The following PTPRZ1 variants were observed in gnomAD, a reference collection of about 807,000 sequenced individuals.
PTPRZ1 encodes receptor-type tyrosine-protein phosphatase zeta.
PTPRZ1 carries 82 observed loss-of-function variants against 214.1 expected under a neutral mutation model. The observed-to-expected ratio is 0.38, with a 90% CI of 0.32 to 0.46. The LOEUF (loss-of-function observed/expected upper bound fraction) is 0.46, where lower values mean the gene tolerates loss of function less well. PTPRZ1 is among the 20% of genes least tolerant of loss of function. The pLI is 1.00. For missense variants in PTPRZ1, 2,603 were observed against 2,748.7 expected (o/e 0.95, Z 1.19); for synonymous variants, 945 against 987.9 (o/e 0.96, Z 0.81).
chr7:121,938,938 T>G (rs1447711119), intron 2 of PTPRZ1, among the ~76,000 whole-genome samples: 6 of 152,200 alleles, frequency 3.9e-5, no homozygotes. Context: ...AATATCTTTC[T>G]AAGTAAATGT....
At chr7:122,016,161 G>A (rs1352881980) in intron 12 of PTPRZ1, among the ~76,000 whole-genome samples, 1 of 151,850 alleles carries the variant, frequency 6.6e-6, no homozygotes, top group Non-Finnish European at 1.5e-5. Flanking sequence ...GGTCACATGA[G>A]TAAATACAAA....
chr7:121,884,208 G>C (rs1272217261), intron 1 of PTPRZ1, among the ~76,000 whole-genome samples: 2 of 151,998 alleles, frequency 1.3e-5, no homozygotes, highest in East Asian at 1.9e-4. Context: ...AGTTTCCTTT[G>C]ATGGCTTTCA....
intron 2 of PTPRZ1, among the ~76,000 whole-genome samples, chr7:121,952,051 C>T (rs1796560504): frequency 6.6e-6 from 1 of 151,828 alleles, no homozygotes; most frequent in African/African-American, 2.4e-5. Context: ...CTCCGCCTCC[C>T]GGGTTCACGC....
chr7:121,873,196 G>C lies in PTPRZ1; in HGVS notation c.-304G>C, dbSNP rs527605953. The C allele has an allele frequency of 2.4e-6, 1 of 421,560 alleles. No individual in the cohort carries two copies. The highest frequency in any genetic ancestry group is 2.0e-5 in the African/African-American group (1 of 48,878). 26.1% of individuals were successfully genotyped at this position (421,560 alleles called of 1,614,324 possible). On this transcript the variant is annotated 5_prime_UTR_variant, in exon 1 of 30. Coordinates refer to ENST00000393386, the MANE Select transcript of PTPRZ1 (RefSeq NM_002851.3). The stretch of plus-strand genomic sequence containing the variant: ...CGCCGCAGCCGGCGAAAGAGGCAAA[G>C]TCCCGCACGCCGGAGGACATGCGCC...
At position 121,999,157 on chromosome 7, in the gene PTPRZ1, C is replaced by T. The variant is rs1014654661; in HGVS notation, c.1240+1151C>T. Among the ~76,000 whole-genome samples, 33 of 152,240 alleles carry T rather than the reference C, an allele frequency of 2.2e-4. No homozygotes were observed. In the East Asian group the frequency reaches 4.0e-3, roughly 19 times the overall value. ...AAGGTATCTCCCAACTTGATATTAA[C>T]GACTAATGAATATTACTACTACCAT... On this transcript the variant is annotated intron_variant, in intron 10 of 29. Transcript: ENST00000393386.
At chr7:121,976,151 A>G (rs376716258) in intron 4 of PTPRZ1, 22 bp from the exon 5 acceptor site, 200 of 1,519,402 alleles carry the variant, frequency 1.3e-4, no homozygotes, top group Non-Finnish European at 1.7e-4. Flanking sequence ...GTATCATAAA[A>G]CTATCATTGT....
intron 2 of PTPRZ1, among the ~76,000 whole-genome samples, chr7:121,944,148 A>T (rs1205457794): frequency 6.6e-6 from 1 of 152,156 alleles, no homozygotes; most frequent in Non-Finnish European, 1.5e-5. Flanking sequence ...CTACATAGGG[A>T]AATTCCTGGC....
intron 2 of PTPRZ1, among the ~76,000 whole-genome samples, chr7:121,930,999 A>G (rs868374136): frequency 6.6e-6 from 1 of 152,140 alleles, no homozygotes; most frequent in South Asian, 2.1e-4. Context: ...TCTGGGCAAT[A>G]TTTAATGCAG....
intron 4 of PTPRZ1, among the ~76,000 whole-genome samples, chr7:121,975,352 C>T (rs1797398713): frequency 6.6e-6 from 1 of 152,158 alleles, no homozygotes; most frequent in African/African-American, 2.4e-5. Flanking sequence ...TAGGCCTTTG[C>T]CAGGTGGTAC....
At chr7:121,942,485 A>G (rs893849697) in intron 2 of PTPRZ1, among the ~76,000 whole-genome samples, 5 of 152,236 alleles carry the variant, frequency 3.3e-5, no homozygotes, top group Admixed American at 1.3e-4. Context: ...AGAAAATTCT[A>G]TAACTTTTAA....
In PTPRZ1 at chr7:122,012,303, A is replaced by C. The variant is rs778135245; in HGVS notation, c.3257A>C (p.Gln1086Pro). 1.9e-6 allele frequency: 3 copies of C among 1,614,168 alleles called. No homozygotes were observed. Among genetic ancestry groups the C allele is most frequent in the East Asian group, 4.5e-5 (2 of 44,876 alleles). ...DNVNKLNASL[Q>P]ETSVSISSTK... ...GTAAATAAGTTGAATGCGTCTTTAC[A>C]AGAAACCTCTGTTTCCATTTCTAGC... Residue 1086 changes from glutamine to proline, a missense_variant, in exon 12 of 30, where the codon CAA becomes CCA. Coordinates refer to ENST00000393386, the MANE Select transcript of PTPRZ1 (RefSeq NM_002851.3).
intron 3 of PTPRZ1, 137 bp from the exon 4 acceptor site, chr7:121,972,404 C>A: frequency 1.1e-6 from 1 of 903,558 alleles, no homozygotes; most frequent in Non-Finnish European, 1.6e-6. Context: ...GTTTGGCTTC[C>A]AAAATGGCGA....
At chr7:121,938,529 C>T (rs1193680022) in intron 2 of PTPRZ1, among the ~76,000 whole-genome samples, 1 of 152,224 alleles carries the variant, frequency 6.6e-6, no homozygotes, top group East Asian at 1.9e-4. Context: ...AGTTAAGCTC[C>T]TGCCTTCCCA....
At chr7:121,953,413 G>A (rs1796615985) in intron 2 of PTPRZ1, among the ~76,000 whole-genome samples, 1 of 152,106 alleles carries the variant, frequency 6.6e-6, no homozygotes, top group African/African-American at 2.4e-5. Flanking sequence ...AGGCAAACAG[G>A]TCTTTATGAA....
chr7:122,044,465 T>G lies in PTPRZ1; in HGVS notation c.5981T>G (p.Leu1994Arg), dbSNP rs557450602. ...CATGATACACTGGTTGAGGCCATACTTAGTAAAGAAACTGAGGTGCTGGAC... is the reference window on the plus strand; with the variant it reads ...CATGATACACTGGTTGAGGCCATACGTAGTAAAGAAACTGAGGTGCTGGAC... Reference protein sequence around the residue: ...FIHDTLVEAILSKETEVLDSH... With the variant: ...FIHDTLVEAIRSKETEVLDSH... Residue 1994 changes from leucine to arginine, a missense_variant, in exon 23 of 30, where the codon CTT becomes CGT. Leu to Arg is a moderately radical substitution (Grantham distance 102). This residue lies in a region of PTPRZ1 where 1,913 missense variants were observed against 1,914.3 expected (regional missense o/e 1.00). Transcript: ENST00000393386. 6.2e-7 allele frequency: 1 copy of G among 1,613,934 alleles called. No homozygotes were observed. The highest frequency in any genetic ancestry group is 1.3e-5 in the African/African-American group (1 of 75,032).
chr7:122,022,574 T>C (rs1256776293), intron 13 of PTPRZ1, among the ~76,000 whole-genome samples: 1 of 152,250 alleles, frequency 6.6e-6, no homozygotes, highest in Non-Finnish European at 1.5e-5. Context: ...TTATCAGATA[T>C]CTGATTTGCA....
At chr7:121,888,443 T>C (rs1794471879) in intron 1 of PTPRZ1, among the ~76,000 whole-genome samples, 1 of 152,102 alleles carries the variant, frequency 6.6e-6, no homozygotes. Flanking sequence ...GAAATACTTA[T>C]GAGACTAATA....
At chr7:122,001,256 TG>T (rs1798314074) in intron 10 of PTPRZ1, among the ~76,000 whole-genome samples, 1 of 152,144 alleles carries the variant, frequency 6.6e-6, no homozygotes, top group Non-Finnish European at 1.5e-5. Context: ...TAAAAAGGAA[TG>T]TATATTCTTT....
At position 121,958,281 on chromosome 7, in the gene PTPRZ1, A is replaced by G. The variant is rs137996650; in HGVS notation, c.125-9670A>G. Among the ~76,000 whole-genome samples, 100 of 152,290 alleles carry G rather than the reference A, an allele frequency of 6.6e-4. No individual in the cohort carries two copies. In the East Asian group the frequency reaches 0.016, roughly 24 times the overall value. Reference sequence around the variant, plus strand: ...ATAACCAAATCCAAACTCATTCTTCACTCATGACACTTAGACGGTCTCTGC... The same window carrying G: ...ATAACCAAATCCAAACTCATTCTTCGCTCATGACACTTAGACGGTCTCTGC... On this transcript the variant is annotated intron_variant, in intron 2 of 29. Coordinates refer to ENST00000393386, the MANE Select transcript of PTPRZ1 (RefSeq NM_002851.3).
Sources: gnomAD v4.1 joint callset for allele counts (sites outside exome capture counted in the v4.1 genomes callset) on GRCh38, gnomAD v4.1.1 for gene constraint, gnomAD v4.1.1 regional missense constraint, MANE v1.5 for transcripts, NCBI Gene and HGNC (gene_info 2026-07-23, HGNC 2026-07-21) for gene names.